The following OPRM1 variants were observed in gnomAD, a reference collection of about 807,000 sequenced individuals.
The protein encoded by OPRM1 is opioid receptor mu 1.
In OPRM1, 27 loss-of-function variants were observed where a neutral mutation model predicts 31.8. The observed-to-expected ratio is 0.85, with a 90% confidence interval of 0.63 to 1.17. The LOEUF (loss-of-function observed/expected upper bound fraction) is 1.17, where lower values mean the gene tolerates loss of function less well. Ranked by LOEUF, OPRM1 falls within the 50% of genes most tolerant of loss-of-function variation. OPRM1 has a pLI of 0.00. For missense variants in OPRM1, 536 were observed against 511.1 expected, an observed-to-expected ratio of 1.05 and a Z score of -0.47; for synonymous variants, 196 against 189.9, an observed-to-expected ratio of 1.03 and a Z score of -0.26.
At chr6:154,190,517 G>A (rs1801779373) in intron 3 of OPRM1, among the ~76,000 whole-genome samples, 1 of 152,106 alleles carries the variant, frequency 6.6e-6, no homozygotes, top group South Asian at 2.1e-4. Context: ...ACCAAACGTT[G>A]GCAAGGATGT....
intron 1 of OPRM1, among the ~76,000 whole-genome samples, chr6:154,074,916 G>A (rs984510396): frequency 2.0e-5 from 3 of 152,028 alleles, no homozygotes; most frequent in Admixed American, 1.3e-4. Context: ...CAAAAGCAAT[G>A]GAAGAGAGGC....
rs1177110840 is a variant in OPRM1 at position 154,192,781 on chromosome 6, A to C, written c.1165-53912A>C. Among the ~76,000 whole-genome samples the C allele has an allele frequency of 3.3e-5, 5 of 152,220 alleles. No homozygotes were observed. In the East Asian group the frequency reaches 9.6e-4, roughly 29 times the overall value. On this transcript the variant is annotated intron_variant, in intron 3 of 3. Transcript: ENST00000337049. ...GAAGAAATGTTCAATTAGTGATGGA[A>C]ACCACTAATTGCCAGGGAAATGCAA...
chr6:154,010,762 C>G (rs762834624), exon 1 of OPRM1: 290 of 1,418,456 alleles, frequency 2.0e-4, no homozygotes, highest in Non-Finnish European at 2.5e-4. Context: ...CTCCTACAAA[C>G]AAGAGAATTC....
intron 3 of OPRM1, among the ~76,000 whole-genome samples, chr6:154,147,745 G>T (rs1798395480): frequency 6.6e-6 from 1 of 152,180 alleles, no homozygotes; most frequent in Non-Finnish European, 1.5e-5. Flanking sequence ...GTCAGGCATA[G>T]GTTTACTGGA....
At chr6:154,048,736 A>C (rs1781636674) in intron 1 of OPRM1, among the ~76,000 whole-genome samples, 1 of 152,222 alleles carries the variant, frequency 6.6e-6, no homozygotes, top group African/African-American at 2.4e-5. Flanking sequence ...AGTGATCTGT[A>C]CCATAGATAC....
chr6:154,165,211 T>C (rs9479770), intron 3 of OPRM1, among the ~76,000 whole-genome samples: 8,369 of 152,112 alleles, frequency 0.055, 280 homozygotes, highest in African/African-American at 0.062. Flanking sequence ...TATCACAAAA[T>C]AAACACTTCC....
intron 1 of OPRM1, among the ~76,000 whole-genome samples, chr6:154,086,103 G>A (rs945856327): frequency 6.6e-6 from 1 of 152,096 alleles, no homozygotes; most frequent in Non-Finnish European, 1.5e-5. Flanking sequence ...CTCCCAAAGT[G>A]CTGGGATTAT....
At chr6:154,200,360 A>T (rs1776961716) in intron 3 of OPRM1, among the ~76,000 whole-genome samples, 1 of 152,236 alleles carries the variant, frequency 6.6e-6, no homozygotes, top group African/African-American at 2.4e-5. Context: ...ACTGCATTAC[A>T]CTTTGAGCAA....
intron 3 of OPRM1, among the ~76,000 whole-genome samples, chr6:154,141,417 G>A (rs1261749144): frequency 3.3e-5 from 5 of 152,294 alleles, no homozygotes; most frequent in Admixed American, 6.5e-5. Context: ...TGATGGGGGT[G>A]GGGCTGGTGG....
At chr6:154,225,176 A>G (rs757083438) in intron 3 of OPRM1, among the ~76,000 whole-genome samples, 1 of 151,596 alleles carries the variant, frequency 6.6e-6, no homozygotes, top group Non-Finnish European at 1.5e-5. Context: ...CCCAATGAAT[A>G]CTCCCTTTGA....
intron 1 of OPRM1, chr6:154,011,131 T>C: frequency 1.0e-6 from 1 of 983,486 alleles, no homozygotes. Context: ...CATTCTACCT[T>C]GTCCCTGTGA....
Position 154,229,098 on chromosome 6 carries a change from C to T in OPRM1, c.1165-17595C>T, listed in dbSNP as rs1017254797. 5.9e-5 allele frequency among the ~76,000 whole-genome samples: 9 copies of T among 152,184 alleles called. No homozygotes were observed. The South Asian group carries it at 8.3e-4, about 14-fold the overall frequency. Reference sequence around the variant, plus strand: ...CCATGTCTGCCTCCAGCCCCAGGGGCGGCCCTCCCTTACAGGACCTCTCTT... The same window carrying T: ...CCATGTCTGCCTCCAGCCCCAGGGGTGGCCCTCCCTTACAGGACCTCTCTT... On this transcript the variant is annotated intron_variant, in intron 3 of 3. Coordinates refer to the OPRM1 transcript ENST00000337049.
chr6:154,051,677 A>G (rs997857160), intron 1 of OPRM1, among the ~76,000 whole-genome samples: 3 of 152,210 alleles, frequency 2.0e-5, no homozygotes, highest in Admixed American at 6.5e-5. Flanking sequence ...TCAAGAAACA[A>G]TAGATACTGG....
intron 1 of OPRM1, among the ~76,000 whole-genome samples, chr6:154,069,873 C>A (rs1010146632): frequency 2.0e-5 from 3 of 152,140 alleles, no homozygotes; most frequent in Non-Finnish European, 4.4e-5. Flanking sequence ...TTGTTAGTGA[C>A]TTTCTGATTT....
At chr6:154,104,101 C>T (rs1021084243) in intron 3 of OPRM1, among the ~76,000 whole-genome samples, 6 of 152,104 alleles carry the variant, frequency 3.9e-5, no homozygotes, top group South Asian at 2.1e-4. Flanking sequence ...ATCCATCTTC[C>T]GTAACTTCTT....
intron 3 of OPRM1, among the ~76,000 whole-genome samples, chr6:154,243,580 C>G (rs913307467): frequency 1.3e-5 from 2 of 152,174 alleles, no homozygotes; most frequent in African/African-American, 4.8e-5. Context: ...CAAAGGGATT[C>G]AATGACAATG....
rs1258902762 is a variant in OPRM1, at chr6:154,121,641, T to C, written c.*2920T>C. On this transcript the variant is annotated 3_prime_UTR_variant, in exon 4 of 4. Coordinates refer to ENST00000330432, the MANE Select transcript of OPRM1 (RefSeq NM_000914.5). ...AAGTCTCACTTAGCTCATTTAATAT[T>C]ACCCAAAAGATGCTAACAAATTCTG... Among the ~76,000 whole-genome samples, 2 of 152,204 alleles carry C rather than the reference T, an allele frequency of 1.3e-5. No homozygotes were observed. Among genetic ancestry groups the C allele is most frequent in the East Asian group, 3.8e-4 (2 of 5,206 alleles).
intron 1 of OPRM1, among the ~76,000 whole-genome samples, chr6:154,019,856 C>G (rs1778256133): frequency 6.6e-6 from 1 of 151,634 alleles, no homozygotes; most frequent in Non-Finnish European, 1.5e-5. Flanking sequence ...ATCTCAGTCC[C>G]CCAGGTAGCT....
chr6:154,196,017 C>T (rs544192557), intron 3 of OPRM1, among the ~76,000 whole-genome samples: 1 of 152,088 alleles, frequency 6.6e-6, no homozygotes, highest in South Asian at 2.1e-4. Context: ...GTCTCGAACT[C>T]CTGACCTCGT....
Sources: allele counts gnomAD v4.1 joint callset (sites outside exome capture counted in the v4.1 genomes callset), GRCh38; gene constraint gnomAD v4.1.1; transcripts MANE v1.5; gene names NCBI Gene and HGNC (gene_info 2026-07-23, HGNC 2026-07-21).